ADAMTS17: variants seen among roughly 807,000 people sequenced by gnomAD.
ADAMTS17 encodes the protein A disintegrin and metalloproteinase with thrombospondin motifs 17.
Under a neutral mutation model 141.5 loss-of-function variants are expected in ADAMTS17, and 113 were observed. The ratio of observed to expected loss-of-function variants is 0.80; its 90% CI spans 0.69 to 0.93. ADAMTS17 has a LOEUF of 0.93. Ranked by LOEUF, ADAMTS17 falls within the 40% of genes least tolerant of loss-of-function variation. The pLI is 0.00. For synonymous variants in ADAMTS17, 768 were observed against 630.6 expected, an observed-to-expected ratio of 1.22 and a Z score of -3.27; for missense variants, 1,659 against 1,517.9, an observed-to-expected ratio of 1.09 and a Z score of -1.54.
chr15:100,152,817 T>C, intron 9 of ADAMTS17, 55 bp from the exon 10 acceptor site: 2 of 1,534,600 alleles, frequency 1.3e-6, no homozygotes, highest in East Asian at 2.3e-5. Flanking sequence ...GGTTTTTTTG[T>C]TTTCTTTTTC....
intron 7 of ADAMTS17, among the ~76,000 whole-genome samples, chr15:100,215,639 T>C (rs914818719): frequency 3.3e-5 from 5 of 152,012 alleles, no homozygotes; most frequent in Non-Finnish European, 5.9e-5. Flanking sequence ...CCTAAGTGAC[T>C]CAGTCAGCAG....
intron 8 of ADAMTS17, among the ~76,000 whole-genome samples, chr15:100,185,805 AC>A: frequency 6.6e-6 from 1 of 152,130 alleles, no homozygotes; most frequent in Non-Finnish European, 1.5e-5. Flanking sequence ...TTGCCTATGA[AC>A]GTGCTTCTGG....
chr15:100,197,125 C>G (rs144276764), intron 8 of ADAMTS17, among the ~76,000 whole-genome samples: 1 of 152,184 alleles, frequency 6.6e-6, no homozygotes, highest in South Asian at 2.1e-4. Context: ...ATCCGGCACA[C>G]TCGAACAGGT....
chr15:100,296,328 G>A (rs956306385), intron 3 of ADAMTS17, among the ~76,000 whole-genome samples: 4 of 152,028 alleles, frequency 2.6e-5, no homozygotes, highest in Non-Finnish European at 4.4e-5. Context: ...TGGAAATGAT[G>A]GCTCCACATG....
Position 99,974,333 on chromosome 15 carries a change from C to G in ADAMTS17, c.*69G>C. The G allele has an allele frequency of 6.2e-7, 1 of 1,606,522 alleles. No individual in the cohort carries two copies. Among genetic ancestry groups the G allele is most frequent in the Non-Finnish European group, 8.5e-7 (1 of 1,176,196 alleles). ...GCCGGGTGGGGGCGTGGCCACAAGG[C>G]TGGTAGGCTTGCGGGTGGGTGGGTT... On this transcript the variant is annotated 3_prime_UTR_variant, in exon 22 of 22. Coordinates refer to ENST00000268070, the MANE Select transcript of ADAMTS17 (RefSeq NM_139057.4).
intron 7 of ADAMTS17, among the ~76,000 whole-genome samples, chr15:100,242,099 G>A (rs998323684): frequency 1.3e-5 from 2 of 152,190 alleles, no homozygotes; most frequent in Non-Finnish European, 2.9e-5. Flanking sequence ...ACAGGAGCCT[G>A]GGGGACTGCC....
intron 7 of ADAMTS17, among the ~76,000 whole-genome samples, chr15:100,233,531 T>C (rs1567401142): frequency 6.6e-6 from 1 of 152,260 alleles, no homozygotes; most frequent in East Asian, 1.9e-4. Context: ...TTTTGATTAG[T>C]GAAATCAGTT....
chr15:100,284,205 C>T (rs117084951), intron 3 of ADAMTS17, among the ~76,000 whole-genome samples: 1,700 of 152,306 alleles, frequency 0.011, 16 homozygotes, highest in Non-Finnish European at 0.017. Context: ...CCTCCCTAGG[C>T]CTTGGAGAGC....
intron 3 of ADAMTS17, among the ~76,000 whole-genome samples, chr15:100,320,605 G>A (rs2045703544): frequency 6.6e-6 from 1 of 152,172 alleles, no homozygotes; most frequent in Non-Finnish European, 1.5e-5. Flanking sequence ...GGCCGAGGCG[G>A]GCCAATTGCT....
intron 3 of ADAMTS17, among the ~76,000 whole-genome samples, chr15:100,316,403 G>A (rs574465175): frequency 4.6e-5 from 7 of 152,190 alleles, no homozygotes; most frequent in Non-Finnish European, 5.9e-5. Flanking sequence ...TTCCATTCTC[G>A]CCATCCGTGG....
At chr15:100,311,301 C>G (rs1274353735) in intron 3 of ADAMTS17, among the ~76,000 whole-genome samples, 1 of 152,196 alleles carries the variant, frequency 6.6e-6, no homozygotes, top group East Asian at 1.9e-4. Context: ...CCCCCACCGC[C>G]CCCTGCAACA....
intron 14 of ADAMTS17, among the ~76,000 whole-genome samples, chr15:100,100,644 T>C (rs1452664893): frequency 6.6e-6 from 1 of 152,190 alleles, no homozygotes; most frequent in Non-Finnish European, 1.5e-5. Flanking sequence ...TGAAAACCTC[T>C]GTTGCCTACT....
At chr15:100,246,585 G>A (rs1348695429) in intron 7 of ADAMTS17, among the ~76,000 whole-genome samples, 2 of 152,300 alleles carry the variant, frequency 1.3e-5, no homozygotes, top group Admixed American at 6.5e-5. Context: ...AGACACCAAC[G>A]ACATAGTGTG....
intron 8 of ADAMTS17, among the ~76,000 whole-genome samples, chr15:100,161,019 A>T (rs879768556): frequency 3.3e-5 from 5 of 152,234 alleles, no homozygotes; most frequent in Admixed American, 6.5e-5. Flanking sequence ...TGTGGCATTA[A>T]GTATGCCCAG....
In ADAMTS17 at chr15:100,260,927, AAC is replaced by A. The variant is rs146245347; in HGVS notation, c.1031+550_1031+551del. On this transcript the variant is annotated intron_variant, in intron 6 of 21. Coordinates refer to ENST00000268070, the MANE Select transcript of ADAMTS17 (RefSeq NM_139057.4). Reference sequence around the variant, plus strand: ...AGGGAGAGTTTTGGTATGAACATGTAACACATTTTGTTTAAGTTATTAAAGTA... The same window carrying A: ...AGGGAGAGTTTTGGTATGAACATGTAACATTTTGTTTAAGTTATTAAAGTA... 2.9e-3 allele frequency among the ~76,000 whole-genome samples: 447 copies of A among 152,328 alleles called. 5 individuals carry two copies. The highest frequency in any genetic ancestry group is 0.01 in the African/African-American group (418 of 41,574).
chr15:100,115,156 T>C lies in ADAMTS17; in HGVS notation c.1888+1691A>G, dbSNP rs1248023187. 2.0e-5 allele frequency among the ~76,000 whole-genome samples: 3 copies of C among 152,204 alleles called. No homozygotes were observed. The East Asian group carries it at 5.8e-4, about 29-fold the overall frequency. Reference sequence around the variant, plus strand: ...GAAGGTTCGGATTCAAGGCTGCTTCTCATGAGAACCAAATGGCAGCTCTCT... The same window carrying C: ...GAAGGTTCGGATTCAAGGCTGCTTCCCATGAGAACCAAATGGCAGCTCTCT... On this transcript the variant is annotated intron_variant, in intron 13 of 21. Coordinates refer to ENST00000268070, the MANE Select transcript of ADAMTS17 (RefSeq NM_139057.4).
intron 19 of ADAMTS17, among the ~76,000 whole-genome samples, chr15:99,996,054 ATT>A (rs200543255): frequency 0.014 from 1,899 of 137,432 alleles, 44 homozygotes; most frequent in African/African-American, 0.045. Flanking sequence ...GTCTGAGTGG[ATT>A]TTTTTTTTTT....
At chr15:100,243,110 C>T (rs1567416455) in intron 7 of ADAMTS17, among the ~76,000 whole-genome samples, 2 of 152,218 alleles carry the variant, frequency 1.3e-5, no homozygotes, top group African/African-American at 2.4e-5. Context: ...TTATTTCATT[C>T]GGCATAATGT....
intron 8 of ADAMTS17, among the ~76,000 whole-genome samples, chr15:100,192,832 G>A (rs929907994): frequency 2.6e-5 from 4 of 152,146 alleles, no homozygotes; most frequent in African/African-American, 9.7e-5. Context: ...CTCCAGTTAT[G>A]GGAACATTTC....
Sources: gnomAD v4.1 joint callset for allele counts (sites outside exome capture counted in the v4.1 genomes callset) on GRCh38, gnomAD v4.1.1 for gene constraint, MANE v1.5 for transcripts, NCBI Gene and HGNC (gene_info 2026-07-23, HGNC 2026-07-21) for gene names.